Variants in HS3ST3A1 observed in about 807,000 individuals in gnomAD.
HS3ST3A1 encodes heparan sulfate-glucosamine 3-sulfotransferase 3A1.
In HS3ST3A1, 19 loss-of-function variants were observed where a neutral mutation model predicts 25.7. The observed-to-expected ratio is 0.74, with a 90% CI of 0.52 to 1.08. The LOEUF is 1.08. Among genes scored for constraint, HS3ST3A1 ranks in the 50% least tolerant of loss-of-function variants. The pLI, the probability that HS3ST3A1 is intolerant of heterozygous loss-of-function variation, is 0.00. For missense variants in HS3ST3A1, 459 were observed against 594.3 expected, an observed-to-expected ratio of 0.77 and a Z score of 2.37; for synonymous variants, 226 against 278.6, an observed-to-expected ratio of 0.81 and a Z score of 1.88.
intron 1 of HS3ST3A1, among the ~76,000 whole-genome samples, chr17:13,570,274 A>G (rs1232563899): frequency 6.6e-6 from 1 of 152,222 alleles, no homozygotes; most frequent in Non-Finnish European, 1.5e-5. Flanking sequence ...TCTGTCTCAA[A>G]TGACTCGTTG....
chr17:13,517,618 G>A (rs1287717359), intron 1 of HS3ST3A1, among the ~76,000 whole-genome samples: 1 of 152,066 alleles, frequency 6.6e-6, no homozygotes. Context: ...TAGAGAATGG[G>A]AACTAATAAT....
At chr17:13,579,718 A>C (rs1241735627) in intron 1 of HS3ST3A1, among the ~76,000 whole-genome samples, 2 of 148,140 alleles carry the variant, frequency 1.4e-5, no homozygotes, top group African/African-American at 2.5e-5. Flanking sequence ...AAAAAAAAAA[A>C]AAAAAAAAAA....
At chr17:13,544,067 A>T (rs1372702718) in intron 1 of HS3ST3A1, among the ~76,000 whole-genome samples, 1 of 152,186 alleles carries the variant, frequency 6.6e-6, no homozygotes, top group Non-Finnish European at 1.5e-5. Flanking sequence ...AGAAAACATT[A>T]TCATCATCAT....
At chr17:13,596,901 C>T (rs572565943) in intron 1 of HS3ST3A1, among the ~76,000 whole-genome samples, 1 of 152,088 alleles carries the variant, frequency 6.6e-6, no homozygotes, top group Non-Finnish European at 1.5e-5. Context: ...GCTCAGTATG[C>T]CTCTCTAATG....
intron 1 of HS3ST3A1, among the ~76,000 whole-genome samples, chr17:13,518,421 T>C (rs899146191): frequency 3.9e-5 from 6 of 152,198 alleles, no homozygotes; most frequent in Admixed American, 6.5e-5. Flanking sequence ...TAAGATACTA[T>C]CTCATGTTTG....
At chr17:13,600,450 G>A (rs1831338307) in intron 1 of HS3ST3A1, 81 bp downstream of exon 1, 2 of 1,442,348 alleles carry the variant, frequency 1.4e-6, no homozygotes, top group South Asian at 2.8e-5. Flanking sequence ...GCGAACTGGG[G>A]GTCACCGAGG....
chr17:13,533,057 C>T (rs1191897122), intron 1 of HS3ST3A1, among the ~76,000 whole-genome samples: 2 of 152,020 alleles, frequency 1.3e-5, no homozygotes, highest in Admixed American at 6.5e-5. Flanking sequence ...GACAACAGCA[C>T]CTGCTCCATC....
chr17:13,554,761 G>C (rs1220214462), intron 1 of HS3ST3A1, among the ~76,000 whole-genome samples: 3 of 152,104 alleles, frequency 2.0e-5, no homozygotes, highest in African/African-American at 7.2e-5. Flanking sequence ...AAACCTGCAG[G>C]GTTGGGATAA....
At chr17:13,544,292 C>G (rs1907021169) in intron 1 of HS3ST3A1, among the ~76,000 whole-genome samples, 1 of 152,144 alleles carries the variant, frequency 6.6e-6, no homozygotes, top group Non-Finnish European at 1.5e-5. Flanking sequence ...AGAAGAGCAA[C>G]AAAAAGCCTT....
intron 1 of HS3ST3A1, among the ~76,000 whole-genome samples, chr17:13,585,919 G>A (rs1908253012): frequency 7.3e-6 from 1 of 137,484 alleles, no homozygotes; most frequent in Admixed American, 8.0e-5. Context: ...GCGCAATCTC[G>A]GCTCACTGCA....
intron 1 of HS3ST3A1, among the ~76,000 whole-genome samples, chr17:13,521,188 G>A (rs1389616098): frequency 6.6e-6 from 1 of 152,178 alleles, no homozygotes; most frequent in Admixed American, 6.5e-5. Flanking sequence ...AAGTCCCCGT[G>A]TTTTGTGTTC....
chr17:13,596,418 T>TACACACAC (rs10535139), intron 1 of HS3ST3A1, among the ~76,000 whole-genome samples: 3,651 of 146,416 alleles, frequency 0.025, 76 homozygotes, highest in East Asian at 0.099. Context: ...TGCGCGTGCG[T>TACACACAC]ACACACACAC....
At chr17:13,513,760 G>A (rs143038334) in intron 1 of HS3ST3A1, among the ~76,000 whole-genome samples, 2 of 152,272 alleles carry the variant, frequency 1.3e-5, no homozygotes, top group East Asian at 3.9e-4. Context: ...GGATACGTGG[G>A]TTGTTTCTAA....
At chr17:13,571,776 TTGAGG>T (rs2142373662) in intron 1 of HS3ST3A1, among the ~76,000 whole-genome samples, 1 of 152,338 alleles carries the variant, frequency 6.6e-6, no homozygotes, top group Non-Finnish European at 1.5e-5. Flanking sequence ...TGTTGTTGTT[TTGAGG>T]TGGAGTCACA....
At chr17:13,566,796 G>A (rs182419343) in intron 1 of HS3ST3A1, among the ~76,000 whole-genome samples, 10 of 150,506 alleles carry the variant, frequency 6.6e-5, no homozygotes, top group African/African-American at 2.5e-4. Context: ...TGAGGAAGTT[G>A]CAGAAAAAAA....
chr17:13,587,246 G>A (rs1449752476), intron 1 of HS3ST3A1, among the ~76,000 whole-genome samples: 2 of 151,984 alleles, frequency 1.3e-5, no homozygotes, highest in Non-Finnish European at 2.9e-5. Context: ...ACGAGGTCAG[G>A]AGATCGAGAT....
intron 1 of HS3ST3A1, among the ~76,000 whole-genome samples, chr17:13,509,822 T>G (rs961209085): frequency 6.6e-6 from 1 of 152,174 alleles, no homozygotes; most frequent in African/African-American, 2.4e-5. Flanking sequence ...CCTAAGTCAT[T>G]CAGCCGAAAG....
intron 1 of HS3ST3A1, among the ~76,000 whole-genome samples, chr17:13,527,929 C>T (rs570995511): frequency 7.6e-4 from 116 of 152,268 alleles, no homozygotes; most frequent in African/African-American, 2.8e-3. Context: ...TGACCTACTG[C>T]AGATATCACG....
intron 1 of HS3ST3A1, among the ~76,000 whole-genome samples, chr17:13,584,380 G>A (rs952547671): frequency 1.3e-5 from 2 of 150,068 alleles, no homozygotes; most frequent in Non-Finnish European, 3.0e-5. Context: ...CATTAAGGAT[G>A]GAAACCATAA....
Sources: gnomAD v4.1 joint callset for allele counts (sites outside exome capture counted in the v4.1 genomes callset) on GRCh38, gnomAD v4.1.1 for gene constraint, MANE v1.5 for transcripts, NCBI Gene and HGNC (gene_info 2026-07-23, HGNC 2026-07-21) for gene names.